Variants in DOCK11 observed in about 807,000 individuals in gnomAD.
DOCK11 encodes the protein dedicator of cytokinesis 11.
DOCK11 carries 70 observed loss-of-function variants against 169.1 expected under a neutral mutation model. That is an observed-to-expected ratio of 0.41 (90% CI 0.34 to 0.51). DOCK11 has a LOEUF of 0.51. Ranked by LOEUF, DOCK11 falls within the 20% of genes least tolerant of loss-of-function variation. The pLI, the probability that DOCK11 is intolerant of heterozygous loss-of-function variation, is 0.10. For synonymous variants in DOCK11, 529 were observed against 541.3 expected (o/e 0.98, Z 0.32); for missense variants, 1,166 against 1,538.8 (o/e 0.76, Z 4.05).
intron 1 of DOCK11, among the ~76,000 whole-genome samples, chrX:118,509,515 C>T (rs1363747709): frequency 3.6e-5 from 4 of 111,481 alleles, no homozygotes; most frequent in Non-Finnish European, 7.5e-5. Flanking sequence ...CCAACTGCCT[C>T]GGCCTCCCAA....
chrX:118,654,908 C>T lies in DOCK11; in HGVS notation c.4916C>T (p.Ala1639Val), dbSNP rs370101788. Residue 1639 changes from alanine (A) to valine (V), a missense_variant, in exon 44 of 53, where the codon GCG becomes GTG. Coordinates refer to ENST00000276202, the MANE Select transcript of DOCK11 (RefSeq NM_144658.4). ...TTCTCTGTCATCCTTTTTCAGGCTG[C>T]GATGTGTTATGTCCATGTAGCAGCT... ...HVKNGDFSEA[A>V]MCYVHVAALV... The T allele has an allele frequency of 5.3e-5, 64 of 1,207,471 alleles. No individual in the cohort carries two copies. Among genetic ancestry groups the T allele is most frequent in the Middle Eastern group, 2.3e-4 (1 of 4,370 alleles).
rs1157482795 is a variant in DOCK11, at chrX:118,568,177, T to A, written c.1035+15T>A. 2.4e-5 allele frequency: 24 copies of A among 1,006,783 alleles called. No individual in the cohort carries two copies. Among genetic ancestry groups the A allele is most frequent in the Non-Finnish European group, 3.1e-5 (23 of 742,135 alleles). The allele number at this position is 1,006,783 out of a possible 1,213,427, so 83.0% of individuals were successfully genotyped here. A position where few individuals can be genotyped will look rare whatever the true frequency, so the allele number is the denominator to read the frequency against. ...CAGAAGTTCAGGTATTAATGATACATTTCTTTAATAGTCCTAGAATTATTG... is the reference window on the plus strand; with the variant it reads ...CAGAAGTTCAGGTATTAATGATACAATTCTTTAATAGTCCTAGAATTATTG... On this transcript the variant is annotated intron_variant, in intron 10 of 52. Transcript: ENST00000276202.
In DOCK11 at chrX:118,561,415, A is replaced by G. The variant is rs1334066638; in HGVS notation, c.591A>G (p.Gln197=). The change falls in exon 7 of 53, where the codon CAA becomes CAG. Residue 197 remains glutamine, a synonymous_variant. Transcript: ENST00000276202. ...VFKRRYFYLT[Q]LPDGSYILNS... is the part of the protein sequence containing the mutation. ...AGAGACGATATTTTTACTTGACCCA[A>G]CTTCCTGACGGTTCATATATTCTCA... is the stretch of plus-strand genomic sequence containing the variant. 9 of 1,200,301 alleles carry G rather than the reference A, an allele frequency of 7.5e-6. No individual in the cohort carries two copies. In the East Asian group the frequency reaches 9.0e-5, roughly 12 times the overall value.
intron 6 of DOCK11, among the ~76,000 whole-genome samples, chrX:118,548,124 G>A (rs755250769): frequency 2.7e-5 from 3 of 112,370 alleles, no homozygotes; most frequent in Non-Finnish European, 5.6e-5. Flanking sequence ...TTAAGTAAAT[G>A]TGCAAAAATC....
intron 1 of DOCK11, among the ~76,000 whole-genome samples, chrX:118,505,320 C>A (rs998222678): frequency 6.2e-5 from 7 of 112,523 alleles, no homozygotes; most frequent in African/African-American, 2.3e-4. Context: ...AGACACCATG[C>A]CCAGCCTTGA....
At position 118,676,004 on chromosome X, in the gene DOCK11, A is replaced by G; in HGVS notation, c.5268A>G (p.Lys1756=). 1 of 1,203,736 alleles carries G rather than the reference A, an allele frequency of 8.3e-7. No individual in the cohort carries two copies. The highest frequency in any genetic ancestry group is 1.7e-5 in the African/African-American group (1 of 57,375). Residue 1756 remains lysine (K), a synonymous_variant, in exon 47 of 53, where the codon AAA becomes AAG. Coordinates refer to ENST00000276202, the MANE Select transcript of DOCK11 (RefSeq NM_144658.4). ...YTKILEVMHT[K]KRLLGTFFRV... ...AAATTCTGGAAGTTATGCATACAAA[A>G]AAGAGACTTTTAGGCACTTTCTTCA... is the stretch of plus-strand genomic sequence containing the variant.
chrX:118,605,451 A>G, intron 24 of DOCK11, 95 bp downstream of exon 24: 2 of 571,794 alleles, frequency 3.5e-6, no homozygotes, highest in Admixed American at 7.4e-5. Context: ...TCCCTCTTAG[A>G]ACTGCTGTTG....
chrX:118,632,293 A>C (rs2015263730), intron 35 of DOCK11: 1 of 111,719 alleles, frequency 9.0e-6, no homozygotes, highest in Admixed American at 9.5e-5. Context: ...AGTTCCTCTT[A>C]TTCTTGCAAA....
chrX:118,555,793 C>G (rs1430895421), intron 6 of DOCK11, among the ~76,000 whole-genome samples: 1 of 110,334 alleles, frequency 9.1e-6, no homozygotes, highest in African/African-American at 3.3e-5. Flanking sequence ...CTCTGTCTCT[C>G]CTGCTTTCTC....
At chrX:118,520,227 G>C (rs2057714004) in intron 1 of DOCK11, among the ~76,000 whole-genome samples, 2 of 112,174 alleles carry the variant, frequency 1.8e-5, no homozygotes, top group African/African-American at 6.5e-5. Flanking sequence ...TGGAGCCACT[G>C]TATTAGGATG....
At chrX:118,647,765 T>A (rs867556803) in intron 40 of DOCK11, among the ~76,000 whole-genome samples, 14 of 35,513 alleles carry the variant, frequency 3.9e-4, no homozygotes, top group African/African-American at 8.6e-4. Context: ...ATATAATATA[T>A]TATAATATAT....
intron 14 of DOCK11, among the ~76,000 whole-genome samples, chrX:118,584,286 A>T (rs2147411942): frequency 8.9e-6 from 1 of 112,204 alleles, no homozygotes; most frequent in East Asian, 2.8e-4. Context: ...TTGCACCTTC[A>T]TATAAATGGA....
intron 14 of DOCK11, among the ~76,000 whole-genome samples, chrX:118,582,376 C>A (rs1390993644): frequency 9.0e-6 from 1 of 111,692 alleles, no homozygotes; most frequent in Non-Finnish European, 1.9e-5. Flanking sequence ...GGCATACGGT[C>A]CCTCTTTGGG....
chrX:118,617,499 A>AG (rs1295633373), intron 30 of DOCK11, among the ~76,000 whole-genome samples: 1 of 107,157 alleles, frequency 9.3e-6, no homozygotes, highest in Non-Finnish European at 1.9e-5. Flanking sequence ...CTCAAAAAAA[A>AG]AAAAATTACT....
intron 49 of DOCK11, 112 bp downstream of exon 49, chrX:118,680,804 C>G: frequency 1.4e-6 from 1 of 695,869 alleles, no homozygotes. Flanking sequence ...ATTATTTGTT[C>G]TGCTGTTCAG....
intron 48 of DOCK11, among the ~76,000 whole-genome samples, chrX:118,677,918 G>A (rs1362686515): frequency 8.9e-6 from 1 of 111,745 alleles, no homozygotes; most frequent in African/African-American, 3.3e-5. Flanking sequence ...GACTTTCTGT[G>A]CAACATGCAG....
intron 1 of DOCK11, among the ~76,000 whole-genome samples, chrX:118,531,802 G>A (rs1288983176): frequency 1.0e-5 from 1 of 99,118 alleles, no homozygotes; most frequent in South Asian, 4.4e-4. Context: ...CAGGTGATCC[G>A]CCCGCATCAG....
intron 1 of DOCK11, among the ~76,000 whole-genome samples, chrX:118,516,654 C>T (rs748394544): frequency 4.6e-5 from 5 of 107,896 alleles, no homozygotes; most frequent in Non-Finnish European, 7.7e-5. Flanking sequence ...AGGCTGGTCT[C>T]GAACTCCTGA....
chrX:118,588,157 G>T lies in DOCK11; in HGVS notation c.1816G>T (p.Val606Leu). Residue 606 changes from valine (V) to leucine (L), a missense_variant, in exon 17 of 53, where the codon GTG becomes TTG. Coordinates refer to ENST00000276202, the MANE Select transcript of DOCK11 (RefSeq NM_144658.4). ...DLSNCITSSY[V>L]PLKPFEKNCQ... ...TATAGATTGTATTACTTCTTCATAT[G>T]TGCCCTTGAAGCCTTTTGAAAAGAA... 8.4e-7 allele frequency: 1 copy of T among 1,191,173 alleles called. No individual in the cohort carries two copies. Among genetic ancestry groups the T allele is most frequent in the Non-Finnish European group, 1.1e-6 (1 of 887,601 alleles).
Sources: allele counts gnomAD v4.1 joint callset (sites outside exome capture counted in the v4.1 genomes callset), GRCh38; gene constraint gnomAD v4.1.1; transcripts MANE v1.5; gene names NCBI Gene and HGNC (gene_info 2026-07-23, HGNC 2026-07-21).